The following NT5C3A variants were observed in gnomAD, a reference collection of about 807,000 sequenced individuals.
The protein encoded by NT5C3A is 5'-nucleotidase, cytosolic IIIA.
Under a neutral mutation model 40.0 loss-of-function variants are expected in NT5C3A, and 23 were observed. That is an observed-to-expected ratio of 0.58 (90% CI 0.41 to 0.81). NT5C3A has a LOEUF of 0.81. NT5C3A is among the 40% of genes least tolerant of loss of function. The pLI, the probability that NT5C3A is intolerant of heterozygous loss-of-function variation, is 0.00. For missense variants in NT5C3A, 328 were observed against 403.0 expected (o/e 0.81, Z 1.59); for synonymous variants, 130 against 141.4 (o/e 0.92, Z 0.57).
intron 2 of NT5C3A, among the ~76,000 whole-genome samples, chr7:33,024,360 C>T (rs769189270): frequency 2.0e-5 from 3 of 152,148 alleles, no homozygotes; most frequent in African/African-American, 4.8e-5. Flanking sequence ...AAATCTGATT[C>T]GTAATTCAGC....
chr7:33,034,759 T>C (rs1018487266), intron 1 of NT5C3A, among the ~76,000 whole-genome samples: 1 of 152,134 alleles, frequency 6.6e-6, no homozygotes, highest in Non-Finnish European at 1.5e-5. Flanking sequence ...CAAAATGCTG[T>C]GTCACGCTCT....
At chr7:33,050,662 T>C (rs1487333919) in intron 1 of NT5C3A, among the ~76,000 whole-genome samples, 1 of 152,164 alleles carries the variant, frequency 6.6e-6, no homozygotes, top group African/African-American at 2.4e-5. Context: ...GGCAAACAAA[T>C]GAAGCAACTC....
chr7:33,026,748 TC>T, intron 2 of NT5C3A, 68 bp downstream of exon 2: 1 of 1,032,472 alleles, frequency 9.7e-7, no homozygotes, highest in Non-Finnish European at 1.5e-6. Flanking sequence ...CCTGCTTCAG[TC>T]TCCCAAAGTG....
chr7:33,016,046 C>G, intron 7 of NT5C3A, 176 bp from the exon 8 acceptor site: 1 of 605,760 alleles, frequency 1.7e-6, no homozygotes, highest in East Asian at 2.8e-5. Context: ...AAGAAGGGCT[C>G]GGAGAAGTAA....
Position 33,021,414 on chromosome 7 carries a change from T to C in NT5C3A, c.355-57A>G. The stretch of plus-strand genomic sequence containing the variant: ...ATTACTTGAAAATAAATCTGCTTGG[T>C]TTTATAGAAAGCAAAACAATGTAAA... On this transcript the variant is annotated intron_variant, in intron 4 of 8. Transcript: ENST00000610140. 4 of 1,582,268 alleles carry C rather than the reference T, an allele frequency of 2.5e-6. No individual in the cohort carries two copies. The East Asian group carries it at 9.0e-5, about 36-fold the overall frequency.
rs561274669 is a variant in NT5C3A at position 33,031,586 on chromosome 7, C to CA, written c.139-4672dup. Among the ~76,000 whole-genome samples, 7 of 149,702 alleles carry CA rather than the reference C, an allele frequency of 4.7e-5. No homozygotes were observed. The East Asian group carries it at 9.8e-4, about 21-fold the overall frequency. On this transcript the variant is annotated intron_variant, in intron 1 of 8. Transcript: ENST00000610140. The stretch of plus-strand genomic sequence containing the variant: ...TGGGTGACACAGTGAGACCCTGTCT[C>CA]AAAAAAAAAATAAATAAATAAAAAG...
intron 1 of NT5C3A, among the ~76,000 whole-genome samples, chr7:33,046,516 AG>A (rs1236539111): frequency 8.0e-6 from 1 of 125,528 alleles, no homozygotes; most frequent in African/African-American, 3.2e-5. Context: ...CCTGTGTGAC[AG>A]GGGGAGGTTG....
At chr7:33,035,892 T>C (rs1475653779) in intron 1 of NT5C3A, 2 of 1,511,654 alleles carry the variant, frequency 1.3e-6, no homozygotes, top group Non-Finnish European at 9.2e-7. Flanking sequence ...GTGGTGAAGA[T>C]TTACCATTAA....
At chr7:33,055,672 C>G (rs778870067) in intron 1 of NT5C3A, among the ~76,000 whole-genome samples, 2 of 152,220 alleles carry the variant, frequency 1.3e-5, no homozygotes, top group Non-Finnish European at 2.9e-5. Flanking sequence ...TGTCAAAGAC[C>G]TATGCCTTGG....
chr7:33,017,092 A>G (rs929103043), intron 7 of NT5C3A: 32 of 214,626 alleles, frequency 1.5e-4, no homozygotes, highest in African/African-American at 6.9e-4. Context: ...CTGAGGCAGA[A>G]GAATTGCTTG....
chr7:33,026,144 C>T (rs1303399242), intron 2 of NT5C3A, among the ~76,000 whole-genome samples: 2 of 151,912 alleles, frequency 1.3e-5, no homozygotes, highest in East Asian at 3.9e-4. Flanking sequence ...GAGATCGTGC[C>T]ACTGCACTCC....
chr7:33,044,251 A>G (rs541959512), intron 1 of NT5C3A, among the ~76,000 whole-genome samples: 1 of 152,294 alleles, frequency 6.6e-6, no homozygotes, highest in South Asian at 2.1e-4. Context: ...TGGGCAACAC[A>G]TAACATGAGA....
chr7:33,029,512 T>C (rs1304429555), intron 1 of NT5C3A: 1 of 484,196 alleles, frequency 2.1e-6, no homozygotes, highest in Non-Finnish European at 3.7e-6. Flanking sequence ...GCAATCAGCA[T>C]ATGTTTGATT....
intron 2 of NT5C3A, among the ~76,000 whole-genome samples, chr7:33,025,664 G>C (rs967353373): frequency 6.6e-6 from 1 of 152,154 alleles, no homozygotes; most frequent in South Asian, 2.1e-4. Context: ...TTTAATGCTT[G>C]TACACAGCAT....
intron 4 of NT5C3A, 131 bp from the exon 5 acceptor site, chr7:33,021,488 G>GA: frequency 8.8e-7 from 1 of 1,135,028 alleles, no homozygotes; most frequent in South Asian, 1.7e-5. Context: ...TGCATCAATT[G>GA]AAAAAATATT....
At chr7:33,031,847 G>A (rs28382383) in intron 1 of NT5C3A, among the ~76,000 whole-genome samples, 44 of 151,998 alleles carry the variant, frequency 2.9e-4, no homozygotes, top group East Asian at 7.7e-4. Context: ...ATTTTTGGCC[G>A]GGCACGGTGG....
At position 33,027,134 on chromosome 7, in the gene NT5C3A, A is replaced by C. The variant is rs1353865873; in HGVS notation, c.139-219T>G. ...ACCCCGGCTGGAGTGCAGTGGCACA[A>C]TCCTAGCTCACCGTAGCCTCAAACT... On this transcript the variant is annotated intron_variant, in intron 1 of 8. Transcript: ENST00000610140. 3 of 435,194 alleles carry C rather than the reference A, an allele frequency of 6.9e-6. No individual in the cohort carries two copies. In the East Asian group the frequency reaches 1.5e-4, roughly 21 times the overall value. 27.0% of individuals were successfully genotyped at this position (435,194 alleles called of 1,614,324 possible).
chr7:33,015,593 G>C, intron 8 of NT5C3A, 77 bp downstream of exon 8: 1 of 929,850 alleles, frequency 1.1e-6, no homozygotes, highest in Non-Finnish European at 1.7e-6. Flanking sequence ...ACTTTCTCAG[G>C]TGACTATGGC....
chr7:33,044,552 C>T lies in NT5C3A; in HGVS notation c.139-17637G>A, dbSNP rs77203147. 0.012 allele frequency among the ~76,000 whole-genome samples: 1,888 copies of T among 152,258 alleles called. 59 individuals carry two copies. The East Asian group carries it at 0.14, about 11-fold the overall frequency. ...ACATAGAAACAGAAATCACTCCTATCACTCCTAGCGGCAAACTCTGGATCT... is the reference window on the plus strand; with the variant it reads ...ACATAGAAACAGAAATCACTCCTATTACTCCTAGCGGCAAACTCTGGATCT... On this transcript the variant is annotated intron_variant, in intron 1 of 8. Coordinates refer to ENST00000610140, the MANE Select transcript of NT5C3A (RefSeq NM_001002010.5).
Sources: allele counts gnomAD v4.1 joint callset (sites outside exome capture counted in the v4.1 genomes callset), GRCh38; gene constraint gnomAD v4.1.1; transcripts MANE v1.5; gene names NCBI Gene and HGNC (gene_info 2026-07-23, HGNC 2026-07-21).